PDE9A: variants seen among roughly 807,000 people sequenced by gnomAD.
The protein encoded by PDE9A is high affinity cGMP-specific 3',5'-cyclic phosphodiesterase 9A.
In PDE9A, 60 loss-of-function variants were observed where a neutral mutation model predicts 87.4. That is an observed-to-expected ratio of 0.69 (90% CI 0.56 to 0.85). The LOEUF is 0.85. Among genes scored for constraint, PDE9A ranks in the 40% least tolerant of loss-of-function variants. The probability of loss-of-function intolerance (pLI) is 0.00; values close to 1 mark genes in which losing one functional copy is unlikely to be tolerated. For synonymous variants in PDE9A, 272 were observed against 279.4 expected (o/e 0.97, Z 0.27); for missense variants, 665 against 779.0 (o/e 0.85, Z 1.74).
chr21:42,674,514 A>G (rs2058736924), intron 1 of PDE9A, among the ~76,000 whole-genome samples: 1 of 151,908 alleles, frequency 6.6e-6, no homozygotes. Context: ...CCCTCCCTCC[A>G]GCCCCTGGCC....
chr21:42,749,055 C>T (rs1033675618), intron 8 of PDE9A, among the ~76,000 whole-genome samples: 4 of 152,140 alleles, frequency 2.6e-5, no homozygotes, highest in African/African-American at 7.2e-5. Context: ...GGCTTCTAGT[C>T]GGTTTTGTGT....
In PDE9A at chr21:42,670,321, CACAT is replaced by C. The variant is rs1223616801; in HGVS notation, c.70-15870_70-15867del. Among the ~76,000 whole-genome samples the C allele has an allele frequency of 8.1e-5, 5 of 61,926 alleles. No individual in the cohort carries two copies. The African/African-American group carries it at 8.7e-4, about 11-fold the overall frequency. 40.6% of individuals were successfully genotyped at this position (61,926 alleles called of 152,430 possible). A position where few individuals can be genotyped will look rare whatever the true frequency, so the allele number is the denominator to read the frequency against. ...CACACATACACTTAGACACCACACT[CACAT>C]TCACACACATTCACATACATTTACA... On this transcript the variant is annotated intron_variant, in intron 1 of 19. Coordinates refer to ENST00000291539, the MANE Select transcript of PDE9A (RefSeq NM_002606.3).
chr21:42,689,673 T>C, intron 3 of PDE9A: 3 of 985,460 alleles, frequency 3.0e-6, no homozygotes, highest in Non-Finnish European at 3.6e-6. Flanking sequence ...TCTAATTCTC[T>C]GGCCCCAGGT....
chr21:42,754,218 T>G (rs2054771237), intron 10 of PDE9A, among the ~76,000 whole-genome samples, 154 bp downstream of exon 10: 1 of 151,918 alleles, frequency 6.6e-6, no homozygotes, highest in African/African-American at 2.4e-5. Context: ...TTTGCCAGGT[T>G]TTAGTTGAAA....
intron 1 of PDE9A, among the ~76,000 whole-genome samples, chr21:42,667,618 G>A (rs1440609929): frequency 2.0e-5 from 3 of 152,186 alleles, no homozygotes; most frequent in African/African-American, 7.2e-5. Context: ...TCCGCTCACA[G>A]GAGTTGCAGG....
At position 42,673,660 on chromosome 21, in the gene PDE9A, G is replaced by A. The variant is rs75838398; in HGVS notation, c.70-12532G>A. Among the ~76,000 whole-genome samples, 388 of 152,296 alleles carry A rather than the reference G, an allele frequency of 2.5e-3. 3 individuals are homozygous for A. The highest frequency in any genetic ancestry group is 9.0e-3 in the African/African-American group (373 of 41,564). ...ACAAGAGGGTTCTTGTGTGAGTTCC[G>A]CATTTGGATTTGGGGGTTCGAGGTG... On this transcript the variant is annotated intron_variant, in intron 1 of 19. Coordinates refer to ENST00000291539, the MANE Select transcript of PDE9A (RefSeq NM_002606.3).
intron 1 of PDE9A, among the ~76,000 whole-genome samples, chr21:42,668,198 A>G (rs950880483): frequency 2.6e-5 from 4 of 152,012 alleles, no homozygotes; most frequent in Non-Finnish European, 4.4e-5. Flanking sequence ...GATCCTCCAG[A>G]GGGGCTGCCG....
intron 1 of PDE9A, among the ~76,000 whole-genome samples, chr21:42,670,718 C>T (rs1353137379): frequency 6.6e-6 from 1 of 151,166 alleles, no homozygotes; most frequent in Non-Finnish European, 1.5e-5. Context: ...CACTTACACT[C>T]ACAGTCACAT....
chr21:42,693,038 C>T (rs1328771764), intron 3 of PDE9A, among the ~76,000 whole-genome samples: 1 of 152,212 alleles, frequency 6.6e-6, no homozygotes, highest in African/African-American at 2.4e-5. Context: ...GAAAAGGGGC[C>T]GTGGGAAGGC....
At chr21:42,768,678 T>C (rs1004884328) in intron 16 of PDE9A, 1 of 985,404 alleles carries the variant, frequency 1.0e-6, no homozygotes, top group Non-Finnish European at 1.2e-6. Flanking sequence ...GTCGGGGACA[T>C]AGAAAACCAA....
In PDE9A at chr21:42,659,102, G is replaced by A. The variant is rs537441138; in HGVS notation, c.69+5219G>A. Among the ~76,000 whole-genome samples the A allele has an allele frequency of 2.6e-5, 4 of 152,296 alleles. No individual in the cohort carries two copies. Among genetic ancestry groups the A allele is most frequent in the South Asian group, 4.1e-4 (2 of 4,826 alleles). On this transcript the variant is annotated intron_variant, in intron 1 of 19. Coordinates refer to ENST00000291539, the MANE Select transcript of PDE9A (RefSeq NM_002606.3). The surrounding 1 kb of genome is among the most constrained non-coding windows in gnomAD (Gnocchi z 4.1). ...TGAGAGCTACAGCAGGTGCTGTCTC[G>A]GAGAGGGCACAGGAAACTGGGCCCT...
In PDE9A at chr21:42,653,834, G is replaced by T; in HGVS notation, c.20G>T (p.Ser7Ile). Reference protein sequence around the residue: MGSGSSSYRPKAIYLDI... With the variant: MGSGSSIYRPKAIYLDI... ...CGCAGGATGGGATCCGGCTCCTCCA[G>T]CTACCGGCCCAAGGCCATCTACCTG... Residue 7 changes from serine (S) to isoleucine (I), a missense_variant, in exon 1 of 20, where the codon AGC (serine) becomes ATC (isoleucine). Transcript: ENST00000291539. 1 of 1,563,652 alleles carries T rather than the reference G, an allele frequency of 6.4e-7. No individual in the cohort carries two copies. The highest frequency in any genetic ancestry group is 1.8e-5 in the Admixed American group (1 of 55,882).
chr21:42,670,197 A>ACACATT (rs1301916988), intron 1 of PDE9A, among the ~76,000 whole-genome samples: 4 of 148,224 alleles, frequency 2.7e-5, no homozygotes, highest in African/African-American at 1.0e-4. Context: ...ACACACATTC[A>ACACATT]CACACATACA....
rs59323298 is a variant in PDE9A at position 42,748,782 on chromosome 21, C to G, written c.654-2334C>G. Among the ~76,000 whole-genome samples the G allele has an allele frequency of 9.4e-3, 1,431 of 152,274 alleles. 22 individuals are homozygous for G. Among genetic ancestry groups the G allele is most frequent in the African/African-American group, 0.033 (1,364 of 41,534 alleles). ...AATAAATAGATTAAATTTTAACCAG[C>G]GTACAGCTCATAGATTTTCCCAGAA... is the stretch of plus-strand genomic sequence containing the variant. On this transcript the variant is annotated intron_variant, in intron 8 of 19. Coordinates refer to ENST00000291539, the MANE Select transcript of PDE9A (RefSeq NM_002606.3).
Position 42,675,202 on chromosome 21 carries a change from A to G in PDE9A, c.70-10990A>G, listed in dbSNP as rs146936077. On this transcript the variant is annotated intron_variant, in intron 1 of 19. Coordinates refer to ENST00000291539, the MANE Select transcript of PDE9A (RefSeq NM_002606.3). This position sits in a 1 kb window ranked among gnomAD's most constrained non-coding sequence, Gnocchi z 4.3. Reference sequence around the variant, plus strand: ...TTACATCAGCAGCGGTTTCCAATATAGCATTAAATTGTCTTCAAAAACATG... The same window carrying G: ...TTACATCAGCAGCGGTTTCCAATATGGCATTAAATTGTCTTCAAAAACATG... Among the ~76,000 whole-genome samples, 1 of 152,368 alleles carries G rather than the reference A, an allele frequency of 6.6e-6. No individual in the cohort carries two copies. The highest frequency in any genetic ancestry group is 2.4e-5 in the African/African-American group (1 of 41,582).
intron 1 of PDE9A, among the ~76,000 whole-genome samples, chr21:42,662,624 ACACACCACACACACGCACATCC>A (rs2057606472): frequency 7.0e-6 from 1 of 142,134 alleles, no homozygotes. Flanking sequence ...CACACACACC[ACACACCACACACACGCACATCC>A]CACACCATGC....
intron 4 of PDE9A, among the ~76,000 whole-genome samples, chr21:42,715,863 T>G (rs2049863942): frequency 6.6e-6 from 1 of 151,682 alleles, no homozygotes; most frequent in African/African-American, 2.4e-5. Flanking sequence ...CCCATCCCAG[T>G]CTCAGACAGA....
intron 1 of PDE9A, among the ~76,000 whole-genome samples, chr21:42,671,197 G>A (rs866039434): frequency 6.6e-6 from 1 of 152,166 alleles, no homozygotes; most frequent in African/African-American, 2.4e-5. Context: ...GAGGGGAGGC[G>A]TGGGGACAGG....
chr21:42,772,340 T>C, intron 18 of PDE9A, 99 bp from the exon 19 acceptor site: 1 of 758,512 alleles, frequency 1.3e-6, no homozygotes, highest in Non-Finnish European at 2.2e-6. Context: ...GGCTTTCACG[T>C]TGCAGCACCT....
Sources: allele counts gnomAD v4.1 joint callset (sites outside exome capture counted in the v4.1 genomes callset), GRCh38; gene constraint gnomAD v4.1.1; non-coding constraint Gnocchi (gnomAD v3.1); transcripts MANE v1.5; gene names NCBI Gene and HGNC (gene_info 2026-07-23, HGNC 2026-07-21).